The following CSMD1 variants were observed in gnomAD, a reference collection of about 807,000 sequenced individuals.
CSMD1 encodes the protein CUB and sushi domain-containing protein 1.
A neutral mutation model predicts 417.5 loss-of-function variants in CSMD1; 213 were observed. That is an observed-to-expected ratio of 0.51 (90% CI 0.46 to 0.57). CSMD1 has a LOEUF of 0.57. Among genes scored for constraint, CSMD1 ranks in the 20% least tolerant of loss-of-function variants. The probability of loss-of-function intolerance (pLI) is 0.00; values close to 1 mark genes in which losing one functional copy is unlikely to be tolerated. For synonymous variants in CSMD1, 2,862 were observed against 1,736.8 expected, an observed-to-expected ratio of 1.65 and a Z score of -16.11; for missense variants, 6,923 against 4,529.7, an observed-to-expected ratio of 1.53 and a Z score of -15.17.
chr8:3,742,316 C>T (rs944559027), intron 6 of CSMD1, among the ~76,000 whole-genome samples: 1 of 152,074 alleles, frequency 6.6e-6, no homozygotes, highest in Non-Finnish European at 1.5e-5. Flanking sequence ...ATCTGGTATC[C>T]AGGGAGACAG....
At chr8:3,340,090 T>A (rs1273183663) in intron 23 of CSMD1, among the ~76,000 whole-genome samples, 1 of 152,226 alleles carries the variant, frequency 6.6e-6, no homozygotes, top group African/African-American at 2.4e-5. Context: ...TCGGTCAATA[T>A]ACTTGATGCC....
chr8:4,947,127 T>G (rs1413591415), intron 1 of CSMD1, among the ~76,000 whole-genome samples: 2 of 152,174 alleles, frequency 1.3e-5, no homozygotes, highest in Non-Finnish European at 2.9e-5. Flanking sequence ...TATCCATCTG[T>G]GCATAAATTT....
chr8:4,034,276 GT>G (rs1327474996), intron 3 of CSMD1, among the ~76,000 whole-genome samples: 1 of 152,128 alleles, frequency 6.6e-6, no homozygotes, highest in Non-Finnish European at 1.5e-5. Context: ...AAATACTAGT[GT>G]TTAGATATTG....
At chr8:3,884,051 T>C (rs1806388877) in intron 5 of CSMD1, among the ~76,000 whole-genome samples, 1 of 152,324 alleles carries the variant, frequency 6.6e-6, no homozygotes, top group South Asian at 2.1e-4. Flanking sequence ...CATTAACTTC[T>C]CTATCAGTGT....
chr8:4,651,839 GA>G (rs1377149498), intron 1 of CSMD1, among the ~76,000 whole-genome samples: 1 of 152,198 alleles, frequency 6.6e-6, no homozygotes, highest in East Asian at 1.9e-4. Context: ...GAGCTCATTG[GA>G]ATTAAAGGAC....
intron 3 of CSMD1, among the ~76,000 whole-genome samples, chr8:4,271,178 T>A (rs975261690): frequency 6.6e-6 from 1 of 152,150 alleles, no homozygotes; most frequent in African/African-American, 2.4e-5. Flanking sequence ...TTACATATGT[T>A]TTCATTTATG....
intron 1 of CSMD1, among the ~76,000 whole-genome samples, chr8:4,742,399 T>TA (rs1320245383): frequency 3.9e-5 from 6 of 152,082 alleles, no homozygotes; most frequent in African/African-American, 1.4e-4. Context: ...ACTGCTGTTT[T>TA]AAAAATAAAT....
rs1801739176 is a variant in CSMD1, at chr8:4,855,405, C to T, written c.85+138927G>A. ...GTTCCTCACCAGCAACGGAACAAAG[C>T]TGGATGGAGAATGACTTTGACGAGC... is the stretch of plus-strand genomic sequence containing the variant. On this transcript the variant is annotated intron_variant, in intron 1 of 69. Coordinates refer to ENST00000635120, the MANE Select transcript of CSMD1 (RefSeq NM_033225.6). Among the ~76,000 whole-genome samples, 3 of 152,276 alleles carry T rather than the reference C, an allele frequency of 2.0e-5. No individual in the cohort carries two copies. The South Asian group carries it at 6.2e-4, about 32-fold the overall frequency.
chr8:4,524,725 C>A (rs1355918959), intron 2 of CSMD1, among the ~76,000 whole-genome samples: 1 of 152,012 alleles, frequency 6.6e-6, no homozygotes, highest in African/African-American at 2.4e-5. Flanking sequence ...GATATTTGAT[C>A]CTAAAATTCT....
At chr8:4,401,025 AAAGTT>A (rs1804611642) in intron 3 of CSMD1, among the ~76,000 whole-genome samples, 2 of 152,284 alleles carry the variant, frequency 1.3e-5, no homozygotes, top group South Asian at 4.1e-4. Context: ...TTAAAATCTG[AAAGTT>A]AATATACGCT....
rs142681190 is a variant in CSMD1, at chr8:4,146,708, T to G, written c.416-114609A>C. 5.5e-3 allele frequency among the ~76,000 whole-genome samples: 756 copies of G among 137,978 alleles called. 52 individuals carry two copies. The highest frequency in any genetic ancestry group is 0.02 in the African/African-American group (722 of 36,160). The allele number at this position is 137,978 out of a possible 152,430, so 90.5% of individuals were successfully genotyped here. On this transcript the variant is annotated intron_variant, in intron 3 of 69. Transcript: ENST00000635120. Reference sequence around the variant, plus strand: ...CTCACTGCAAGCTCCACCTCCCGAGTTCACGCCATTCTCCTGCCTCAGCCT... The same window carrying G: ...CTCACTGCAAGCTCCACCTCCCGAGGTCACGCCATTCTCCTGCCTCAGCCT...
intron 1 of CSMD1, among the ~76,000 whole-genome samples, chr8:4,955,233 T>C (rs956015301): frequency 6.6e-6 from 1 of 152,186 alleles, no homozygotes; most frequent in Non-Finnish European, 1.5e-5. Flanking sequence ...TCAGAAATGT[T>C]GCAATGCATC....
chr8:4,049,704 A>T (rs879411344), intron 3 of CSMD1, among the ~76,000 whole-genome samples: 8 of 152,202 alleles, frequency 5.3e-5, no homozygotes, highest in Admixed American at 2.6e-4. Context: ...ATAAATTTTC[A>T]AATTTAGACT....
intron 1 of CSMD1, among the ~76,000 whole-genome samples, chr8:4,718,633 G>A (rs1208805099): frequency 1.3e-5 from 2 of 151,912 alleles, no homozygotes. Flanking sequence ...TTTTAAACTG[G>A]AAAACCAAAT....
chr8:3,969,515 T>G (rs146116369), intron 5 of CSMD1, among the ~76,000 whole-genome samples: 1 of 152,306 alleles, frequency 6.6e-6, no homozygotes, highest in African/African-American at 2.4e-5. Context: ...TACAAGTTAT[T>G]TAACTTGGTG....
At chr8:4,082,085 G>A (rs563476980) in intron 3 of CSMD1, among the ~76,000 whole-genome samples, 13 of 152,096 alleles carry the variant, frequency 8.5e-5, no homozygotes, top group Admixed American at 2.0e-4. Flanking sequence ...GAAGATTACT[G>A]AGACTTATCA....
intron 3 of CSMD1, among the ~76,000 whole-genome samples, chr8:4,120,479 G>T (rs1028849445): frequency 6.6e-6 from 1 of 152,058 alleles, no homozygotes; most frequent in Non-Finnish European, 1.5e-5. Flanking sequence ...TCACACAAAT[G>T]CTAGAAGAAG....
chr8:3,760,784 G>A (rs899622924), intron 5 of CSMD1, among the ~76,000 whole-genome samples: 2 of 152,144 alleles, frequency 1.3e-5, no homozygotes, highest in Admixed American at 1.3e-4. Flanking sequence ...GGGTCCCTCT[G>A]CAGTTAAGTC....
At chr8:4,788,271 A>T (rs1360665338) in intron 1 of CSMD1, 1 of 1,587,752 alleles carries the variant, frequency 6.3e-7, no homozygotes, top group East Asian at 2.2e-5. Flanking sequence ...AAGGGATGGC[A>T]TTCCTACTGT....
Sources: allele counts gnomAD v4.1 joint callset (sites outside exome capture counted in the v4.1 genomes callset), GRCh38; gene constraint gnomAD v4.1.1; transcripts MANE v1.5; gene names NCBI Gene and HGNC (gene_info 2026-07-23, HGNC 2026-07-21).